Variants in CASP2 observed in about 807,000 individuals in gnomAD.
CASP2 encodes caspase 2.
CASP2 carries 38 observed loss-of-function variants against 54.4 expected under a neutral mutation model. That is an observed-to-expected ratio of 0.70 (90% confidence interval 0.54 to 0.92). The LOEUF (loss-of-function observed/expected upper bound fraction) is 0.92. Ranked by LOEUF, CASP2 falls within the 40% of genes least tolerant of loss-of-function variation. CASP2 has a pLI of 0.00. For synonymous variants in CASP2, 215 were observed against 216.3 expected (o/e 0.99, Z 0.05); for missense variants, 512 against 579.6 (o/e 0.88, Z 1.20).
chr7:143,299,262 A>G, intron 6 of CASP2, among the ~76,000 whole-genome samples: 1 of 152,196 alleles, frequency 6.6e-6, no homozygotes, highest in Non-Finnish European at 1.5e-5. Context: ...TGAGGTCTCA[A>G]GGGTCTGAGT....
intron 6 of CASP2, among the ~76,000 whole-genome samples, chr7:143,295,217 G>A (rs199818233): frequency 2.0e-4 from 31 of 152,188 alleles, no homozygotes; most frequent in East Asian, 1.7e-3. Flanking sequence ...TAGTAGAGAC[G>A]GGGTTTTGCC....
At chr7:143,294,350 G>A (rs1393208819) in intron 5 of CASP2, 26 bp downstream of exon 5, 1 of 1,490,730 alleles carries the variant, frequency 6.7e-7, no homozygotes, top group East Asian at 2.3e-5. Context: ...ATGACAAGAG[G>A]AAGAGAGTTG....
intron 4 of CASP2, among the ~76,000 whole-genome samples, chr7:143,293,725 G>A (rs571499210): frequency 6.6e-5 from 10 of 151,540 alleles, no homozygotes; most frequent in Non-Finnish European, 1.5e-4. Flanking sequence ...TCCTGACCTC[G>A]TGATCTGCCT....
chr7:143,304,786 G>A lies in CASP2; in HGVS notation c.1227+3G>A, dbSNP rs1218371229. 3.7e-6 allele frequency: 6 copies of A among 1,612,588 alleles called. No homozygotes were observed. The highest frequency in any genetic ancestry group is 4.2e-6 in the Non-Finnish European group (5 of 1,178,674). ...ACGTGGCCGACATGCTGGTTAAGGT[G>A]AGCCAGCGGGCTCCGTGACCCCTGT... is the stretch of plus-strand genomic sequence containing the variant. On this transcript the variant is annotated splice_donor_region_variant and intron_variant, in intron 10 of 10. Transcript: ENST00000310447.
At chr7:143,301,899 G>C (rs1374345568) in intron 8 of CASP2, 3 of 152,250 alleles carry the variant, frequency 2.0e-5, no homozygotes, top group Non-Finnish European at 4.4e-5. Flanking sequence ...GGGAGCTTAA[G>C]TAAGAAATAA....
At chr7:143,290,683 T>A (rs1340668000) in intron 1 of CASP2, 1 of 152,214 alleles carries the variant, frequency 6.6e-6, no homozygotes, top group Non-Finnish European at 1.5e-5. Context: ...ATCGCTTGAG[T>A]CCAGGAGTTC....
chr7:143,305,077 C>A lies in CASP2; in HGVS notation c.*6C>A. ...CAGGACACCCTCCCACATGATGTCA[C>A]CTCCCCATCATCCACGCCAAGTGGA... On this transcript the variant is annotated 3_prime_UTR_variant, in exon 11 of 11. Coordinates refer to ENST00000310447, the MANE Select transcript of CASP2 (RefSeq NM_032982.4). The A allele has an allele frequency of 1.2e-6, 2 of 1,614,238 alleles. No homozygotes were observed. Among genetic ancestry groups the A allele is most frequent in the Non-Finnish European group, 1.7e-6 (2 of 1,180,032 alleles).
At position 143,305,115 on chromosome 7, in the gene CASP2, A is replaced by G; in HGVS notation, c.*44A>G. The G allele has an allele frequency of 6.2e-7, 1 of 1,613,116 alleles. No individual in the cohort carries two copies. Among genetic ancestry groups the G allele is most frequent in the Non-Finnish European group, 8.5e-7 (1 of 1,179,100 alleles). On this transcript the variant is annotated 3_prime_UTR_variant, in exon 11 of 11. Coordinates refer to ENST00000310447, the MANE Select transcript of CASP2 (RefSeq NM_032982.4). ...CACGCCAAGTGGAAGCCACTGGACC[A>G]CAGGAGGTGTGATAGAGCCTTTGAT...
chr7:143,294,565 C>T (rs749542609), intron 5 of CASP2, 32 bp from the exon 6 acceptor site: 19 of 1,598,962 alleles, frequency 1.2e-5, no homozygotes, highest in South Asian at 4.4e-5. Context: ...GTTATCAAGA[C>T]GCTCATGGTC....
chr7:143,291,739 A>G lies in CASP2; in HGVS notation c.225+49A>G, dbSNP rs750595903. 4 of 1,419,070 alleles carry G rather than the reference A, an allele frequency of 2.8e-6. No homozygotes were observed. In the Admixed American group the frequency reaches 6.8e-5, roughly 24 times the overall value. The allele number at this position is 1,419,070 out of a possible 1,614,324, so 87.9% of individuals were successfully genotyped here. The stretch of plus-strand genomic sequence containing the variant: ...GATAAATTGATCATGGGGTGGGAAT[A>G]GAGCATGACAAAATATGGAAAGGGT... On this transcript the variant is annotated intron_variant, in intron 2 of 10. Coordinates refer to ENST00000310447, the MANE Select transcript of CASP2 (RefSeq NM_032982.4).
intron 3 of CASP2, 70 bp from the exon 4 acceptor site, chr7:143,292,547 C>G (rs1801607310): frequency 1.2e-6 from 2 of 1,602,926 alleles, no homozygotes; most frequent in African/African-American, 2.7e-5. Flanking sequence ...GTGAGGGAGA[C>G]TAGATTTTGT....
chr7:143,294,235 G>C lies in CASP2; in HGVS notation c.481G>C (p.Val161Leu). The change falls in exon 5 of 11, where the codon GTG becomes CTG. Residue 161 changes from valine (V) to leucine (L), a missense_variant. Val to Leu is a conservative substitution (Grantham distance 32). This residue lies in a region of CASP2 where 417 missense variants were observed against 495.4 expected (regional missense o/e 0.84). Coordinates refer to ENST00000310447, the MANE Select transcript of CASP2 (RefSeq NM_032982.4). ...YKKLRLSTDT[V>L]EHSLDNKDGP... ...GTTTTCTGTCTATACCACAGATACTGTGGAACACTCCCTAGACAATAAAGA... is the reference window on the plus strand; with the variant it reads ...GTTTTCTGTCTATACCACAGATACTCTGGAACACTCCCTAGACAATAAAGA... The C allele has an allele frequency of 6.3e-7, 1 of 1,596,932 alleles. No individual in the cohort carries two copies. Among genetic ancestry groups the C allele is most frequent in the Non-Finnish European group, 8.6e-7 (1 of 1,164,498 alleles).
rs1801687550 is a variant in CASP2 at position 143,294,604 on chromosome 7, G to C, written c.578G>C (p.Arg193Thr). 1.2e-6 allele frequency: 2 copies of C among 1,613,996 alleles called. No homozygotes were observed. The highest frequency in any genetic ancestry group is 2.2e-5 in the East Asian group (1 of 44,896). The change falls in exon 6 of 11, where the codon AGG becomes ACG. Residue 193 changes from arginine to threonine, a missense_variant. Around this residue, in one of 3 missense-constraint regions of CASP2, gnomAD observed 417 missense variants for 495.4 expected, o/e 0.84. Transcript: ENST00000310447. ...FYQTHFQLAY[R>T]LQSRPRGLAL... Reference sequence around the variant, plus strand: ...CTGGCCTCTCCTCCACAGGCATATAGGTTGCAGTCTCGGCCTCGTGGCCTA... The same window carrying C: ...CTGGCCTCTCCTCCACAGGCATATACGTTGCAGTCTCGGCCTCGTGGCCTA...
chr7:143,291,584 T>A lies in CASP2; in HGVS notation c.119T>A (p.Leu40Gln), dbSNP rs1237073363. The A allele has an allele frequency of 1.2e-6, 2 of 1,613,978 alleles. No homozygotes were observed. The highest frequency in any genetic ancestry group is 1.3e-5 in the African/African-American group (1 of 74,904). Residue 40 changes from leucine to glutamine, a missense_variant, in exon 2 of 11, where the codon CTA (leucine) becomes CAA (glutamine). By Grantham distance (113) the Leu-to-Gln change is moderately radical. Around this residue, in one of 3 missense-constraint regions of CASP2, gnomAD observed 89 missense variants for 67.1 expected, o/e 1.33. Coordinates refer to ENST00000310447, the MANE Select transcript of CASP2 (RefSeq NM_032982.4). ...ATGCATCCTCATCATCAGGAAACTC[T>A]AAAAAAGAACCGAGTGGTGCTAGCC... ...CGMHPHHQET[L>Q]KKNRVVLAKQ...
intron 4 of CASP2, chr7:143,293,000 G>T: frequency 1.7e-6 from 1 of 599,194 alleles, no homozygotes; most frequent in Admixed American, 3.0e-5. Flanking sequence ...AACAGAGTGA[G>T]ACTCAGTCTC....
chr7:143,291,754 A>G (rs1801569272), intron 2 of CASP2, 64 bp downstream of exon 2: 1 of 985,326 alleles, frequency 1.0e-6, no homozygotes, highest in South Asian at 1.3e-5. Flanking sequence ...ATGACAAAAT[A>G]TGGAAAGGGT....
intron 4 of CASP2, chr7:143,293,354 C>T: frequency 4.7e-6 from 2 of 429,752 alleles, no homozygotes; most frequent in Non-Finnish European, 8.2e-6. Context: ...TGTCAAACTT[C>T]TGGCCTCAAA....
At chr7:143,288,618 C>G in intron 1 of CASP2, 89 bp downstream of exon 1, 1 of 1,203,318 alleles carries the variant, frequency 8.3e-7, no homozygotes, top group Non-Finnish European at 1.2e-6. Context: ...GCCCCCTCCC[C>G]TCGGAGCCCC....
intron 6 of CASP2, 45 bp from the exon 7 acceptor site, chr7:143,299,878 T>C: frequency 6.2e-7 from 1 of 1,613,072 alleles, no homozygotes; most frequent in Non-Finnish European, 8.5e-7. Flanking sequence ...ATGCTTATGT[T>C]GGTGCTGACC....
Sources: gnomAD v4.1 joint callset for allele counts (sites outside exome capture counted in the v4.1 genomes callset) on GRCh38, gnomAD v4.1.1 for gene constraint, gnomAD v4.1.1 regional missense constraint, MANE v1.5 for transcripts, NCBI Gene and HGNC (gene_info 2026-07-23, HGNC 2026-07-21) for gene names.